The following RIGI variants were observed in gnomAD, a reference collection of about 807,000 sequenced individuals.
RIGI encodes the protein antiviral innate immune response receptor RIG-I.
the RIGI span, among the ~76,000 whole-genome samples, chr9:32,521,617 G>T: frequency 4.6e-5 from 7 of 152,026 alleles, no homozygotes; most frequent in African/African-American, 1.7e-4. Flanking sequence ...TTGTGTATTA[G>T]CTTCCTTGAA....
chr9:32,503,193 C>A, the RIGI span, among the ~76,000 whole-genome samples: 1 of 152,076 alleles, frequency 6.6e-6, no homozygotes, highest in African/African-American at 2.4e-5. Context: ...ATGCTAACAG[C>A]CATTACAGAT....
the RIGI span, among the ~76,000 whole-genome samples, chr9:32,499,968 T>A: frequency 6.6e-6 from 1 of 152,240 alleles, no homozygotes; most frequent in Non-Finnish European, 1.5e-5. Flanking sequence ...TGCTATTTTT[T>A]GAATAGCTCC....
chr9:32,516,643 T>A, the RIGI span, among the ~76,000 whole-genome samples: 1 of 152,176 alleles, frequency 6.6e-6, no homozygotes, highest in Non-Finnish European at 1.5e-5. Context: ...CTGCTCAATT[T>A]GAAAATTTTA....
chr9:32,463,063 T>C, the RIGI span, among the ~76,000 whole-genome samples: 15 of 152,180 alleles, frequency 9.9e-5, no homozygotes, highest in East Asian at 2.9e-3. Context: ...AGGCTGAGAT[T>C]GCAGTGAGCC....
the RIGI span, among the ~76,000 whole-genome samples, chr9:32,475,587 A>G: frequency 6.6e-6 from 1 of 152,192 alleles, no homozygotes; most frequent in Non-Finnish European, 1.5e-5. Flanking sequence ...GAGAACTGGA[A>G]CAACTGAATG....
At chr9:32,493,990 A>G in the RIGI span, 1 of 1,387,794 alleles carries the variant, frequency 7.2e-7, no homozygotes, top group Non-Finnish European at 9.8e-7. Context: ...CCAACTGAAA[A>G]ATACTTTGAG....
chr9:32,488,815 C>T, the RIGI span: 2 of 1,613,130 alleles, frequency 1.2e-6, no homozygotes, highest in African/African-American at 2.7e-5. Flanking sequence ...GACAACTTTC[C>T]CCTTTTGTCC....
At chr9:32,478,177 G>A in the RIGI span, among the ~76,000 whole-genome samples, 3 of 151,886 alleles carry the variant, frequency 2.0e-5, no homozygotes, top group Non-Finnish European at 4.4e-5. Flanking sequence ...TCAAGTAACT[G>A]GGATTACAGG....
the RIGI span, chr9:32,457,297 T>G: frequency 6.2e-7 from 1 of 1,614,136 alleles, no homozygotes; most frequent in Admixed American, 1.7e-5. Flanking sequence ...ATGGCTGCAG[T>G]TCTGTCGGGC....
At chr9:32,482,013 G>A in the RIGI span, among the ~76,000 whole-genome samples, 2 of 152,192 alleles carry the variant, frequency 1.3e-5, no homozygotes, top group South Asian at 2.1e-4. Context: ...GGTGGGAGGA[G>A]TAAGAAAATA....
the RIGI span, chr9:32,480,093 C>T: frequency 3.9e-6 from 4 of 1,018,072 alleles, no homozygotes; most frequent in African/African-American, 3.2e-5. Flanking sequence ...TCTCCATCTT[C>T]CTACATCCAG....
At chr9:32,477,812 C>T in the RIGI span, among the ~76,000 whole-genome samples, 10 of 152,000 alleles carry the variant, frequency 6.6e-5, no homozygotes, top group African/African-American at 2.4e-4. Context: ...ATAATCCCAG[C>T]TCCTCAGGAG....
At chr9:32,460,329 C>T in the RIGI span, among the ~76,000 whole-genome samples, 2 of 152,096 alleles carry the variant, frequency 1.3e-5, no homozygotes, top group Admixed American at 1.3e-4. Context: ...TTTCTCTCTC[C>T]CCTTCAGCCA....
At chr9:32,495,701 C>A in the RIGI span, among the ~76,000 whole-genome samples, 3 of 149,022 alleles carry the variant, frequency 2.0e-5, no homozygotes, top group African/African-American at 7.5e-5. Context: ...GCTCTGTCAC[C>A]CAGGCTGGAG....
the RIGI span, among the ~76,000 whole-genome samples, chr9:32,518,605 C>T: frequency 6.6e-6 from 1 of 152,140 alleles, no homozygotes; most frequent in African/African-American, 2.4e-5. Context: ...TAACACTGCT[C>T]ATAGTTAAAG....
chr9:32,469,945 T>G, the RIGI span, among the ~76,000 whole-genome samples: 2 of 152,234 alleles, frequency 1.3e-5, no homozygotes, highest in African/African-American at 4.8e-5. Context: ...ATTACCTAGC[T>G]GGCAGTGGAC....
At chr9:32,522,345 G>C in the RIGI span, among the ~76,000 whole-genome samples, 1 of 152,092 alleles carries the variant, frequency 6.6e-6, no homozygotes, top group Non-Finnish European at 1.5e-5. Context: ...AATTTCTCCA[G>C]AATTTATAAA....
At chr9:32,491,447 A>C in the RIGI span, 1 of 1,559,848 alleles carries the variant, frequency 6.4e-7, no homozygotes, top group African/African-American at 1.4e-5. Context: ...AAGTCTTAGA[A>C]TCTTCACATA....
At chr9:32,512,118 C>A in the RIGI span, among the ~76,000 whole-genome samples, 1 of 152,316 alleles carries the variant, frequency 6.6e-6, no homozygotes, top group South Asian at 2.1e-4. Context: ...GATGGATTCA[C>A]AGCTGAATTC....
Sources: gnomAD v4.1 joint callset for allele counts (sites outside exome capture counted in the v4.1 genomes callset) on GRCh38, gnomAD v4.1.1 for gene constraint, MANE v1.5 for transcripts, NCBI Gene and HGNC (gene_info 2026-07-23, HGNC 2026-07-21) for gene names.